Variants in NELFB observed in about 807,000 individuals in gnomAD.
NELFB encodes negative elongation factor B.
Under a neutral mutation model 60.2 loss-of-function variants are expected in NELFB, and 34 were observed. That is an observed-to-expected ratio of 0.56 (90% CI 0.43 to 0.75). NELFB has a LOEUF of 0.75. NELFB is among the 30% of genes least tolerant of loss of function. The pLI is 0.00. For synonymous variants in NELFB, 459 were observed against 382.1 expected, an observed-to-expected ratio of 1.20 and a Z score of -2.35; for missense variants, 770 against 831.6, an observed-to-expected ratio of 0.93 and a Z score of 0.91.
intron 8 of NELFB, among the ~76,000 whole-genome samples, chr9:137,266,631 T>A (rs1467494303): frequency 1.3e-5 from 2 of 151,592 alleles, no homozygotes; most frequent in African/African-American, 4.9e-5. Flanking sequence ...GGTTCTGGGG[T>A]ATCTCCATGG....
In NELFB at chr9:137,257,694, A is replaced by G. The variant is rs1233104498; in HGVS notation, c.741+640A>G. On this transcript the variant is annotated intron_variant, in intron 4 of 12. Transcript: ENST00000343053. ...ATTTTGTATTTTTAGTAGAGATGGG[A>G]TTTCTCCATGTTGGTCAGGCTGGTC... is the stretch of plus-strand genomic sequence containing the variant. 2.0e-5 allele frequency among the ~76,000 whole-genome samples: 3 copies of G among 151,510 alleles called. No homozygotes were observed. The East Asian group carries it at 5.8e-4, about 29-fold the overall frequency.
intron 4 of NELFB, among the ~76,000 whole-genome samples, chr9:137,260,153 C>G (rs578001345): frequency 6.6e-6 from 1 of 150,560 alleles, no homozygotes; most frequent in Non-Finnish European, 1.5e-5. Flanking sequence ...GGGTTCACTC[C>G]GTTCTCCTGC....
chr9:137,262,586 A>T (rs1011814270), intron 4 of NELFB, among the ~76,000 whole-genome samples: 1 of 152,236 alleles, frequency 6.6e-6, no homozygotes, highest in South Asian at 2.1e-4. Context: ...CATATCTATG[A>T]TCTATATCTA....
chr9:137,270,820 G>A (rs1830575843), intron 10 of NELFB, among the ~76,000 whole-genome samples: 1 of 152,118 alleles, frequency 6.6e-6, no homozygotes, highest in African/African-American at 2.4e-5. Flanking sequence ...GAGGGAGGCT[G>A]AGGCAGAAGG....
In NELFB at chr9:137,272,061, G is replaced by A. The variant is rs746083831; in HGVS notation, c.1490-20G>A. 2 of 1,614,056 alleles carry A rather than the reference G, an allele frequency of 1.2e-6. No homozygotes were observed. The highest frequency in any genetic ancestry group is 8.5e-7 in the Non-Finnish European group (1 of 1,179,948). ...TGGGCAGGGTGAGTGGCACTGGGCTGATGCCTGCTGTGTCTGCAGTGGAGA... is the reference window on the plus strand; with the variant it reads ...TGGGCAGGGTGAGTGGCACTGGGCTAATGCCTGCTGTGTCTGCAGTGGAGA... On this transcript the variant is annotated intron_variant, in intron 10 of 12. Coordinates refer to ENST00000343053, the MANE Select transcript of NELFB (RefSeq NM_015456.5).
Position 137,273,038 on chromosome 9 carries a change from A to G in NELFB, c.*110A>G, listed in dbSNP as rs931152792. ...CAGGGCAGTCTCTCTTCCCGGGGCTATGGCTGGGCCTGTCCTGCCGTCATG... is the reference window on the plus strand; with the variant it reads ...CAGGGCAGTCTCTCTTCCCGGGGCTGTGGCTGGGCCTGTCCTGCCGTCATG... On this transcript the variant is annotated 3_prime_UTR_variant, in exon 13 of 13. Transcript: ENST00000343053. 2 of 1,262,978 alleles carry G rather than the reference A, an allele frequency of 1.6e-6. No homozygotes were observed. Among genetic ancestry groups the G allele is most frequent in the African/African-American group, 3.0e-5 (2 of 65,782 alleles). The allele number at this position is 1,262,978 out of a possible 1,614,324, so 78.2% of individuals were successfully genotyped here. A position where few individuals can be genotyped will look rare whatever the true frequency, so the allele number is the denominator to read the frequency against.
At position 137,261,339 on chromosome 9, in the gene NELFB, CAAAAAA is replaced by C. The variant is rs749817003; in HGVS notation, c.742-1686_742-1681del. On this transcript the variant is annotated intron_variant, in intron 4 of 12. Transcript: ENST00000343053. ...TGGGTAACAGAGCACGACTCGGTTT[CAAAAAA>C]AAAAAAAAAAAGTAAAAAAAAAAAA... Among the ~76,000 whole-genome samples the C allele has an allele frequency of 4.9e-3, 320 of 65,642 alleles. 11 individuals carry two copies. The East Asian group carries it at 0.12, about 24-fold the overall frequency. The allele number at this position is 65,642 out of a possible 152,430, so 43.1% of individuals were successfully genotyped here.
At chr9:137,258,465 T>TTTTTTTATATTTTTTTTTTTTTTCCC (rs1837592462) in intron 4 of NELFB, among the ~76,000 whole-genome samples, 1 of 151,250 alleles carries the variant, frequency 6.6e-6, no homozygotes. Context: ...TTTTTTTTTT[T>TTTTTTTATATTTTTTTTTTTTTTCCC]TGAGACAGAG....
rs780132790 is a variant in NELFB, at chr9:137,256,065, G to A, written c.405G>A (p.Glu135=). Residue 135 remains glutamate (E), a synonymous_variant, in exon 2 of 13, where the codon GAG becomes GAA. Transcript: ENST00000343053. Reference sequence around the variant, plus strand: ...CCATCGCTTCGGAGGGGAAGGCTGAGGAAAGGTGGGTCAGCGGGAGGGGTG... The same window carrying A: ...CCATCGCTTCGGAGGGGAAGGCTGAAGAAAGGTGGGTCAGCGGGAGGGGTG... 6.2e-7 allele frequency: 1 copy of A among 1,613,020 alleles called. No individual in the cohort carries two copies. The highest frequency in any genetic ancestry group is 2.2e-5 in the East Asian group (1 of 44,860).
At chr9:137,270,291 A>G (rs563337988) in intron 10 of NELFB, among the ~76,000 whole-genome samples, 1 of 151,176 alleles carries the variant, frequency 6.6e-6, no homozygotes, top group South Asian at 2.1e-4. Context: ...AAAAAAAAAA[A>G]AAAAAAAAAG....
chr9:137,260,783 G>A (rs1425546171), intron 4 of NELFB, among the ~76,000 whole-genome samples: 2 of 152,046 alleles, frequency 1.3e-5, no homozygotes, highest in Non-Finnish European at 2.9e-5. Flanking sequence ...AAATTAGGCC[G>A]GGTGCGGTGG....
At chr9:137,265,287 A>G (rs950627837) in intron 6 of NELFB, among the ~76,000 whole-genome samples, 1 of 151,754 alleles carries the variant, frequency 6.6e-6, no homozygotes, top group African/African-American at 2.4e-5. Flanking sequence ...CTGGGATGAC[A>G]GGCGTGAGCC....
intron 9 of NELFB, 37 bp downstream of exon 9, chr9:137,267,123 G>A (rs770624719): frequency 1.4e-5 from 23 of 1,613,424 alleles, no homozygotes; most frequent in Non-Finnish European, 1.9e-5. Context: ...GGGTGGCCGT[G>A]GCGCAGGGAT....
chr9:137,262,368 C>T (rs755417891), intron 4 of NELFB, among the ~76,000 whole-genome samples: 8 of 152,176 alleles, frequency 5.3e-5, no homozygotes, highest in Non-Finnish European at 1.0e-4. Context: ...CTGGCGTCAC[C>T]GCTAGACCAA....
At chr9:137,270,461 A>G (rs559795839) in intron 10 of NELFB, among the ~76,000 whole-genome samples, 1 of 150,678 alleles carries the variant, frequency 6.6e-6, no homozygotes, top group South Asian at 2.1e-4. Context: ...TGTGTGACGC[A>G]TGCCTGTAGT....
rs773423089 is a variant in NELFB at position 137,272,158 on chromosome 9, G to A, written c.1567G>A (p.Glu523Lys). The A allele has an allele frequency of 6.8e-6, 11 of 1,614,104 alleles. No individual in the cohort carries two copies. The highest frequency in any genetic ancestry group is 8.5e-6 in the Non-Finnish European group (10 of 1,180,044). ...GGGCAACCTTGCGCTGCTGGCCGAC[G>A]AATTTGCCCTTGAGGACTTCTGCAG... Residue 523 changes from glutamate (E) to lysine (K), a missense_variant, in exon 11 of 13, where the codon GAA (glutamate) becomes AAA (lysine). Coordinates refer to ENST00000343053, the MANE Select transcript of NELFB (RefSeq NM_015456.5).
rs1253140173 is a variant in NELFB, at chr9:137,257,050, G to T, written c.737G>T (p.Gly246Val). The T allele has an allele frequency of 6.2e-7, 1 of 1,610,682 alleles. No homozygotes were observed. The highest frequency in any genetic ancestry group is 1.7e-5 in the Admixed American group (1 of 59,978). The change falls in exon 4 of 13, where the codon GGC (glycine) becomes GTC (valine). Residue 246 changes from glycine (G) to valine (V), a missense_variant. Physicochemically the swap from Gly to Val is moderately radical, Grantham distance 109 (BLOSUM62 -3). Coordinates refer to ENST00000343053, the MANE Select transcript of NELFB (RefSeq NM_015456.5). ...CCTTCCCCCAAGACCAGGCGCCAGG[G>T]CGAGGTGAGGGGACAGGCCGTGTGC...
In NELFB at chr9:137,267,012, T is replaced by C. The variant is rs780589463; in HGVS notation, c.1308T>C (p.Asn436=). 2.0e-5 allele frequency: 32 copies of C among 1,613,912 alleles called. No individual in the cohort carries two copies. Among genetic ancestry groups the C allele is most frequent in the South Asian group, 4.4e-5 (4 of 91,082 alleles). Reference sequence around the variant, plus strand: ...TCCTGGTGGATGACTACACTTTCAATGTGGATCAGAAACTTCCGGCTGAGG... The same window carrying C: ...TCCTGGTGGATGACTACACTTTCAACGTGGATCAGAAACTTCCGGCTGAGG... The change falls in exon 9 of 13, where the codon AAT becomes AAC. Residue 436 remains asparagine (N), a synonymous_variant. Coordinates refer to ENST00000343053, the MANE Select transcript of NELFB (RefSeq NM_015456.5).
At position 137,273,008 on chromosome 9, in the gene NELFB, A is replaced by G. The variant is rs1479523335; in HGVS notation, c.*80A>G. ...AGCCGGAAGAGGCTCCCGGACCTGG[A>G]TGTACAGGGCAGTCTCTCTTCCCGG... On this transcript the variant is annotated 3_prime_UTR_variant, in exon 13 of 13. Coordinates refer to ENST00000343053, the MANE Select transcript of NELFB (RefSeq NM_015456.5). 7.2e-7 allele frequency: 1 copy of G among 1,395,252 alleles called. No homozygotes were observed. The highest frequency in any genetic ancestry group is 2.5e-5 in the East Asian group (1 of 39,226). The allele number at this position is 1,395,252 out of a possible 1,614,324, so 86.4% of individuals were successfully genotyped here. A position where few individuals can be genotyped will look rare whatever the true frequency, so the allele number is the denominator to read the frequency against.
Sources: gnomAD v4.1 joint callset for allele counts (sites outside exome capture counted in the v4.1 genomes callset) on GRCh38, gnomAD v4.1.1 for gene constraint, MANE v1.5 for transcripts, NCBI Gene and HGNC (gene_info 2026-07-23, HGNC 2026-07-21) for gene names.